NRP2: variants seen among roughly 807,000 people sequenced by gnomAD.
The protein encoded by NRP2 is neuropilin-2.
Under a neutral mutation model 110.4 loss-of-function variants are expected in NRP2, and 52 were observed. The observed-to-expected ratio is 0.47, with a 90% confidence interval of 0.38 to 0.59. The LOEUF (loss-of-function observed/expected upper bound fraction) is 0.59. NRP2 is among the 20% of genes least tolerant of loss of function. NRP2 has a pLI of 0.00. For synonymous variants in NRP2, 508 were observed against 468.9 expected (o/e 1.08, Z -1.08); for missense variants, 1,049 against 1,203.0 (o/e 0.87, Z 1.89).
chr2:205,756,067 C>T (rs1194677443), intron 12 of NRP2, among the ~76,000 whole-genome samples: 1 of 151,858 alleles, frequency 6.6e-6, no homozygotes, highest in Admixed American at 6.6e-5. Flanking sequence ...TTCTTTTTGG[C>T]CAGTGGTTGC....
At chr2:205,700,754 G>C (rs750446436) in intron 2 of NRP2, 9 of 518,826 alleles carry the variant, frequency 1.7e-5, no homozygotes, top group Middle Eastern at 3.2e-4. Flanking sequence ...AGCTTTGCCT[G>C]ACTCAGTGCA....
chr2:205,764,852 G>A (rs535592261), intron 13 of NRP2, among the ~76,000 whole-genome samples: 1 of 152,320 alleles, frequency 6.6e-6, no homozygotes, highest in South Asian at 2.1e-4. Context: ...TTGCATTTGT[G>A]TCTCAGCCAT....
Position 205,752,934 on chromosome 2 carries a change from C to G in NRP2, c.2003C>G (p.Thr668Ser), listed in dbSNP as rs1000014176. 6.2e-7 allele frequency: 1 copy of G among 1,614,072 alleles called. No homozygotes were observed. Among genetic ancestry groups the G allele is most frequent in the East Asian group, 2.2e-5 (1 of 44,886 alleles). ...MYDHAKWLRT[T>S]WASSSSPNDR... is the part of the protein sequence containing the mutation. The stretch of plus-strand genomic sequence containing the variant: ...GACCATGCCAAGTGGCTCCGGACCA[C>G]CTGGGCCAGCAGCTCCAGCCCAAAC... Residue 668 changes from threonine (T) to serine (S), a missense_variant, in exon 12 of 17, where the codon ACC becomes AGC. Physicochemically the swap from Thr to Ser is moderately conservative, Grantham distance 58. Transcript: ENST00000357785.
chr2:205,719,196 A>C (rs1164942683), intron 3 of NRP2, among the ~76,000 whole-genome samples: 7 of 152,202 alleles, frequency 4.6e-5, no homozygotes, highest in Admixed American at 4.6e-4. Context: ...GAGAGGAAGA[A>C]GCGGGGGAAA....
chr2:205,746,122 A>C (rs181189680), intron 10 of NRP2, among the ~76,000 whole-genome samples: 1 of 152,110 alleles, frequency 6.6e-6, no homozygotes, highest in Non-Finnish European at 1.5e-5. Flanking sequence ...CAGTTCTCCA[A>C]CCCGAGTCTC....
At chr2:205,688,831 G>A (rs1327656490) in intron 1 of NRP2, among the ~76,000 whole-genome samples, 2 of 149,090 alleles carry the variant, frequency 1.3e-5, no homozygotes, top group African/African-American at 4.9e-5. Context: ...AGAAATAGGA[G>A]TTGGCAAAAA....
At chr2:205,738,004 A>T (rs757009448) in intron 7 of NRP2, among the ~76,000 whole-genome samples, 2 of 152,194 alleles carry the variant, frequency 1.3e-5, no homozygotes, top group Non-Finnish European at 2.9e-5. Context: ...CCAAATACAC[A>T]ATCATTTACT....
rs1037040063 is a variant in NRP2 at position 205,798,056 on chromosome 2, CAAT to C, written c.*2999_*3001del. On this transcript the variant is annotated 3_prime_UTR_variant, in exon 17 of 17. Coordinates refer to ENST00000357785, the MANE Select transcript of NRP2 (RefSeq NM_003872.3). ...ATTCTTCAATGTAAAAAATAAACAA[CAAT>C]GTCAAACTGTGTTTATATGATTTGT... is the stretch of plus-strand genomic sequence containing the variant. 2 of 152,186 alleles carry C rather than the reference CAAT, an allele frequency of 1.3e-5. No individual in the cohort carries two copies. Among genetic ancestry groups the C allele is most frequent in the African/African-American group, 4.8e-5 (2 of 41,260 alleles). 9.4% of individuals were successfully genotyped at this position (152,186 alleles called of 1,614,324 possible).
chr2:205,738,340 C>T (rs1172000952), intron 7 of NRP2, among the ~76,000 whole-genome samples: 3 of 152,272 alleles, frequency 2.0e-5, no homozygotes, highest in African/African-American at 4.8e-5. Flanking sequence ...TCACAACACC[C>T]ATCCGAAATA....
rs765890874 is a variant in NRP2, at chr2:205,722,754, G to A, written c.664+46G>A. On this transcript the variant is annotated intron_variant, in intron 4 of 16. Coordinates refer to ENST00000357785, the MANE Select transcript of NRP2 (RefSeq NM_003872.3). ...TTCCTCAGTAGCTTGGCCTTTGCCTGTTAATTGCTTTAGTGATGATAAAGA... is the reference window on the plus strand; with the variant it reads ...TTCCTCAGTAGCTTGGCCTTTGCCTATTAATTGCTTTAGTGATGATAAAGA... 10 of 1,493,082 alleles carry A rather than the reference G, an allele frequency of 6.7e-6. No individual in the cohort carries two copies. The East Asian group carries it at 2.0e-4, about 30-fold the overall frequency. The allele number at this position is 1,493,082 out of a possible 1,614,324, so 92.5% of individuals were successfully genotyped here.
intron 8 of NRP2, among the ~76,000 whole-genome samples, chr2:205,741,055 G>C (rs2057431278): frequency 1.3e-5 from 2 of 152,196 alleles, no homozygotes; most frequent in South Asian, 4.1e-4. Context: ...GGCAGTTCCA[G>C]TCCAAAGCCC....
At chr2:205,789,139 A>G (rs1057214206) in intron 15 of NRP2, among the ~76,000 whole-genome samples, 18 of 152,172 alleles carry the variant, frequency 1.2e-4, no homozygotes, top group African/African-American at 4.3e-4. Flanking sequence ...AGACTCTTTT[A>G]TTTTATTAGA....
chr2:205,757,471 G>C (rs193236817), intron 12 of NRP2, among the ~76,000 whole-genome samples: 4 of 152,242 alleles, frequency 2.6e-5, no homozygotes, highest in Admixed American at 2.6e-4. Context: ...GGATGGGTAT[G>C]GTGAGTGGAT....
At chr2:205,690,975 G>C (rs539963873) in intron 1 of NRP2, among the ~76,000 whole-genome samples, 1 of 152,030 alleles carries the variant, frequency 6.6e-6, no homozygotes, top group Non-Finnish European at 1.5e-5. Context: ...ATAACAGCTG[G>C]GGGTGGGGAG....
At chr2:205,758,450 T>C (rs993361994) in intron 12 of NRP2, among the ~76,000 whole-genome samples, 2 of 152,224 alleles carry the variant, frequency 1.3e-5, no homozygotes, top group African/African-American at 2.4e-5. Context: ...CGTGTTCACA[T>C]GACACTTAAG....
chr2:205,774,579 C>T (rs906895123), intron 15 of NRP2, among the ~76,000 whole-genome samples: 6 of 152,102 alleles, frequency 3.9e-5, no homozygotes, highest in African/African-American at 7.2e-5. Flanking sequence ...TGCACCCTAG[C>T]GGAAGGGGAT....
chr2:205,711,231 C>G (rs1013872018), intron 2 of NRP2, among the ~76,000 whole-genome samples: 4 of 152,142 alleles, frequency 2.6e-5, no homozygotes, highest in Non-Finnish European at 5.9e-5. Flanking sequence ...CTCCTACATG[C>G]CAGGCACCAG....
chr2:205,696,372 T>C (rs79129462), intron 1 of NRP2, among the ~76,000 whole-genome samples: 3,024 of 152,298 alleles, frequency 0.02, 96 homozygotes, highest in African/African-American at 0.068. Context: ...GGGCCCATGC[T>C]GCTCCATGCA....
intron 15 of NRP2, among the ~76,000 whole-genome samples, chr2:205,784,866 C>G (rs927517279): frequency 6.6e-6 from 1 of 152,208 alleles, no homozygotes. Context: ...ACACAAATGC[C>G]GCATGGCTAC....
Sources: allele counts gnomAD v4.1 joint callset (sites outside exome capture counted in the v4.1 genomes callset), GRCh38; gene constraint gnomAD v4.1.1; transcripts MANE v1.5; gene names NCBI Gene and HGNC (gene_info 2026-07-23, HGNC 2026-07-21).